The following GNA11 variants were observed in gnomAD, a reference collection of about 807,000 sequenced individuals.
The protein encoded by GNA11 is G protein subunit alpha 11, also known as guanine nucleotide-binding protein subunit alpha-11.
GNA11 carries 8 observed loss-of-function variants against 38.2 expected under a neutral mutation model. That is an observed-to-expected ratio of 0.21 (90% CI 0.12 to 0.38). The LOEUF is 0.38. Ranked by LOEUF, GNA11 falls within the 10% of genes least tolerant of loss-of-function variation. The pLI, the probability that GNA11 is intolerant of heterozygous loss-of-function variation, is 1.00. For missense variants in GNA11, 268 were observed against 516.3 expected, an observed-to-expected ratio of 0.52 and a Z score of 4.66; for synonymous variants, 211 against 221.4, an observed-to-expected ratio of 0.95 and a Z score of 0.42.
At position 3,123,508 on chromosome 19, in the gene GNA11, GGT is replaced by G. The variant is rs1296515678; in HGVS notation, c.*2336_*2337del. On this transcript the variant is annotated 3_prime_UTR_variant, in exon 7 of 7. Coordinates refer to ENST00000078429, the MANE Select transcript of GNA11 (RefSeq NM_002067.5). ...CGTGTGGGGCCACGTGGGCATGTGG[GGT>G]GTGTGTTTTTACCTTGGTGAATCTC... The G allele has an allele frequency of 8.6e-6, 2 of 233,176 alleles. No individual in the cohort carries two copies. Among genetic ancestry groups the G allele is most frequent in the Non-Finnish European group, 1.7e-5 (2 of 118,038 alleles). 14.4% of individuals were successfully genotyped at this position (233,176 alleles called of 1,614,324 possible). A position where few individuals can be genotyped will look rare whatever the true frequency, so the allele number is the denominator to read the frequency against.
intron 4 of GNA11, chr19:3,115,422 A>G: frequency 4.5e-6 from 1 of 224,010 alleles, no homozygotes; most frequent in Non-Finnish European, 8.9e-6. Context: ...TAAACAAAAG[A>G]AAGCCCATTG....
At position 3,121,015 on chromosome 19, in the gene GNA11, C is replaced by T. The variant is rs1317335037; in HGVS notation, c.916C>T (p.Arg306Trp). 5 of 1,613,384 alleles carry T rather than the reference C, an allele frequency of 3.1e-6. No homozygotes were observed. Among genetic ancestry groups the T allele is most frequent in the Middle Eastern group, 1.7e-4 (1 of 6,054 alleles). The stretch of plus-strand genomic sequence containing the variant: ...TCCCCAGCGGGACGCCCAGGCGGCG[C>T]GGGAGTTCATCCTGAAGATGTTCGT... ...DGPQRDAQAA[R>W]EFILKMFVDL... is the part of the protein sequence containing the mutation. Residue 306 changes from arginine (R) to tryptophan (W), a missense_variant, in exon 7 of 7, where the codon CGG becomes TGG. Physicochemically the swap from Arg to Trp is moderately radical, Grantham distance 101. This residue lies in a region of GNA11 where 92 missense variants were observed against 166.7 expected (regional missense o/e 0.55). Coordinates refer to ENST00000078429, the MANE Select transcript of GNA11 (RefSeq NM_002067.5).
Position 3,122,369 on chromosome 19 carries a change from G to T in GNA11, c.*1190G>T, listed in dbSNP as rs546369692. 2 of 231,960 alleles carry T rather than the reference G, an allele frequency of 8.6e-6. No individual in the cohort carries two copies. The highest frequency in any genetic ancestry group is 3.6e-4 in the South Asian group (2 of 5,520). The allele number at this position is 231,960 out of a possible 1,614,324, so 14.4% of individuals were successfully genotyped here. A position where few individuals can be genotyped will look rare whatever the true frequency, so the allele number is the denominator to read the frequency against. On this transcript the variant is annotated 3_prime_UTR_variant, in exon 7 of 7. Coordinates refer to ENST00000078429, the MANE Select transcript of GNA11 (RefSeq NM_002067.5). The surrounding 1 kb of genome is among the most constrained non-coding windows in gnomAD (Gnocchi z 7.7). Reference sequence around the variant, plus strand: ...CAGCACTCGCACTTTGGCCAGGGGCGCGTGGAAGGTGGTGGCAGGCACCGG... The same window carrying T: ...CAGCACTCGCACTTTGGCCAGGGGCTCGTGGAAGGTGGTGGCAGGCACCGG...
At chr19:3,114,801 C>T (rs1227888985) in intron 3 of GNA11, 143 bp from the exon 4 acceptor site, 2 of 751,006 alleles carry the variant, frequency 2.7e-6, no homozygotes, top group African/African-American at 1.8e-5. Flanking sequence ...CTCCGGGCTG[C>T]TTCAGACACT....
In GNA11 at chr19:3,113,410, C is replaced by G. The variant is rs747614543; in HGVS notation, c.402C>G (p.Thr134=). The change falls in exon 3 of 7, where the codon ACC becomes ACG. Residue 134 remains threonine (T), a synonymous_variant. Transcript: ENST00000078429. ...ATCAGTACGTCAGTGCCATCAAGAC[C>G]CTGTGGGAGGACCCGGGCATCCAGG... ...FEHQYVSAIK[T]LWEDPGIQEC... 1.2e-6 allele frequency: 2 copies of G among 1,613,104 alleles called. No individual in the cohort carries two copies. Among genetic ancestry groups the G allele is most frequent in the Non-Finnish European group, 1.7e-6 (2 of 1,179,546 alleles).
chr19:3,109,613 G>C, intron 1 of GNA11, among the ~76,000 whole-genome samples: 1 of 152,232 alleles, frequency 6.6e-6, no homozygotes, highest in Non-Finnish European at 1.5e-5. Context: ...TGGGTGCTTG[G>C]TGCGCAGGGG....
chr19:3,112,987 T>C (rs1282378789), intron 2 of GNA11, among the ~76,000 whole-genome samples: 3 of 152,208 alleles, frequency 2.0e-5, no homozygotes, highest in African/African-American at 7.2e-5. Context: ...ACTGCCCTCC[T>C]GTGGGTCCTG....
intron 4 of GNA11, chr19:3,117,504 C>G (rs1420309791): frequency 2.6e-5 from 4 of 152,330 alleles, no homozygotes; most frequent in African/African-American, 9.6e-5. Flanking sequence ...GCCTCAGCCT[C>G]CCGAGTAGCT....
intron 4 of GNA11, among the ~76,000 whole-genome samples, chr19:3,115,792 G>C (rs1632359): frequency 1.4e-5 from 1 of 72,716 alleles, no homozygotes; most frequent in African/African-American, 5.1e-5. Context: ...GGGAGGGGGG[G>C]GGTCACGGGG....
intron 1 of GNA11, among the ~76,000 whole-genome samples, chr19:3,095,463 C>G (rs1384807537): frequency 1.3e-5 from 2 of 152,016 alleles, no homozygotes; most frequent in African/African-American, 4.8e-5. Context: ...TGACCCTTCC[C>G]TCCAGGCAGA....
At chr19:3,112,938 G>T (rs1213325731) in intron 2 of GNA11, among the ~76,000 whole-genome samples, 1 of 152,212 alleles carries the variant, frequency 6.6e-6, no homozygotes, top group Non-Finnish European at 1.5e-5. Flanking sequence ...GGGGCTGTTG[G>T]TTAGTTCTGT....
In GNA11 at chr19:3,110,125, G is replaced by A. The variant is rs7255519; in HGVS notation, c.137-24G>A. ...GAGAGTCAGGCCCCGGCTGCCGCCCGCCCTCACGTGCCCCGTCCCCCAGGC... is the reference window on the plus strand; with the variant it reads ...GAGAGTCAGGCCCCGGCTGCCGCCCACCCTCACGTGCCCCGTCCCCCAGGC... On this transcript the variant is annotated intron_variant, in intron 1 of 6. Coordinates refer to ENST00000078429, the MANE Select transcript of GNA11 (RefSeq NM_002067.5). This position sits in a 1 kb window ranked among gnomAD's most constrained non-coding sequence, Gnocchi z 5.4. 593 of 1,572,198 alleles carry A rather than the reference G, an allele frequency of 3.8e-4. 3 individuals are homozygous for A. In the African/African-American group the frequency reaches 6.8e-3, roughly 18 times the overall value.
chr19:3,120,497 C>T lies in GNA11; in HGVS notation c.890-492C>T, dbSNP rs1418161344. Among the ~76,000 whole-genome samples the T allele has an allele frequency of 9.3e-6, 1 of 107,592 alleles. No homozygotes were observed. Among genetic ancestry groups the T allele is most frequent in the Non-Finnish European group, 2.3e-5 (1 of 43,490 alleles). The allele number at this position is 107,592 out of a possible 152,430, so 70.6% of individuals were successfully genotyped here. On this transcript the variant is annotated intron_variant, in intron 6 of 6. Transcript: ENST00000078429. This position sits in a 1 kb window ranked among gnomAD's most constrained non-coding sequence, Gnocchi z 5.9. ...CAGGGTGGTGGAGGGGCAGGGGTGG[C>T]CGGTGGGAAGCAGCGCCCCTGCTGG...
In GNA11 at chr19:3,123,948, C is replaced by A; in HGVS notation, c.*2769C>A. 4.4e-6 allele frequency: 1 copy of A among 229,496 alleles called. No individual in the cohort carries two copies. Among genetic ancestry groups the A allele is most frequent in the Non-Finnish European group, 8.6e-6 (1 of 115,768 alleles). 14.2% of individuals were successfully genotyped at this position (229,496 alleles called of 1,614,324 possible). ...ACCGATGGAAGTCGACTTTTCATAT[C>A]TTTCTCCTGAAATGAACTCTGTTTT... is the stretch of plus-strand genomic sequence containing the variant. On this transcript the variant is annotated 3_prime_UTR_variant, in exon 7 of 7. Coordinates refer to ENST00000078429, the MANE Select transcript of GNA11 (RefSeq NM_002067.5).
chr19:3,095,504 C>A (rs972294935), intron 1 of GNA11, among the ~76,000 whole-genome samples: 1 of 150,844 alleles, frequency 6.6e-6, no homozygotes, highest in Admixed American at 6.6e-5. Context: ...GCCCTGTACC[C>A]TCCATGCAGG....
Position 3,110,051 on chromosome 19 carries a change from G to C in GNA11, c.137-98G>C. 1 of 958,608 alleles carries C rather than the reference G, an allele frequency of 1.0e-6. No individual in the cohort carries two copies. Among genetic ancestry groups the C allele is most frequent in the Non-Finnish European group, 1.6e-6 (1 of 637,402 alleles). The allele number at this position is 958,608 out of a possible 1,614,324, so 59.4% of individuals were successfully genotyped here. A position where few individuals can be genotyped will look rare whatever the true frequency, so the allele number is the denominator to read the frequency against. ...AGCCTCACGTGCCTTGGTTTCCTGT[G>C]CTGGGTGCTGCAGCACGGCAGGGTC... On this transcript the variant is annotated intron_variant, in intron 1 of 6. Transcript: ENST00000078429. The surrounding 1 kb of genome is among the most constrained non-coding windows in gnomAD (Gnocchi z 5.4).
chr19:3,116,927 AT>A (rs1913939491), intron 4 of GNA11, among the ~76,000 whole-genome samples: 1 of 151,972 alleles, frequency 6.6e-6, no homozygotes, highest in African/African-American at 2.4e-5. Context: ...ACCCCCTGCC[AT>A]CTGCCTGTTC....
At chr19:3,096,410 T>G (rs551205799) in intron 1 of GNA11, among the ~76,000 whole-genome samples, 41 of 152,214 alleles carry the variant, frequency 2.7e-4, no homozygotes, top group African/African-American at 9.6e-4. Context: ...TTTGTTTGGA[T>G]GGAGGGGAGT....
chr19:3,100,062 C>T (rs564684621), intron 1 of GNA11, among the ~76,000 whole-genome samples: 14 of 152,230 alleles, frequency 9.2e-5, no homozygotes, highest in African/African-American at 3.4e-4. Context: ...GTCCACAGCA[C>T]CTGGCGTGTG....
Sources: allele counts gnomAD v4.1 joint callset (sites outside exome capture counted in the v4.1 genomes callset), GRCh38; gene constraint gnomAD v4.1.1; regional missense constraint gnomAD v4.1.1; non-coding constraint Gnocchi (gnomAD v3.1); transcripts MANE v1.5; gene names NCBI Gene and HGNC (gene_info 2026-07-23, HGNC 2026-07-21).